Variants in CPAMD8 observed in about 807,000 individuals in gnomAD.
CPAMD8 encodes C3 and PZP like alpha-2-macroglobulin domain containing 8.
CPAMD8 carries 146 observed loss-of-function variants against 224.7 expected under a neutral mutation model. The observed-to-expected ratio is 0.65, with a 90% confidence interval of 0.57 to 0.75. The LOEUF is 0.75. Among genes scored for constraint, CPAMD8 ranks in the 30% least tolerant of loss-of-function variants. CPAMD8 has a pLI of 0.00. For missense variants in CPAMD8, 2,301 were observed against 2,537.5 expected (o/e 0.91, Z 2.00); for synonymous variants, 966 against 1,044.6 (o/e 0.92, Z 1.45).
At chr19:16,933,555 ACATACT>A (rs147908732) in intron 23 of CPAMD8, among the ~76,000 whole-genome samples, 1,595 of 152,330 alleles carry the variant, frequency 0.01, 22 homozygotes, top group African/African-American at 0.037. Context: ...AAAAAAAAAG[ACATACT>A]CATAGCAAAC....
At position 16,901,290 on chromosome 19, in the gene CPAMD8, G is replaced by T; in HGVS notation, c.4693C>A (p.His1565Asn). 1 of 1,609,520 alleles carries T rather than the reference G, an allele frequency of 6.2e-7. No individual in the cohort carries two copies. Among genetic ancestry groups the T allele is most frequent in the South Asian group, 1.1e-5 (1 of 90,574 alleles). Residue 1565 changes from histidine to asparagine, a missense_variant, in exon 36 of 42, where the codon CAT becomes AAT. By Grantham distance (68) the His-to-Asn change is moderately conservative. Around this residue, in one of 4 missense-constraint regions of CPAMD8, gnomAD observed 1,709 missense variants for 1,753.2 expected, o/e 0.97. Coordinates refer to ENST00000443236, the MANE Select transcript of CPAMD8 (RefSeq NM_015692.5). ...VMLEVCTRWL[H>N]AGSSNMAVLE... is the part of the protein sequence containing the mutation. ...ACAGCCATATTGGAAGACCCTGCAT[G>T]CAGCCACCTTCCAACAACAGGGGAG...
intron 20 of CPAMD8, 41 bp downstream of exon 20, chr19:16,951,928 C>T (rs2054308902): frequency 7.9e-7 from 1 of 1,268,690 alleles, no homozygotes. Context: ...CCCAACTCCC[C>T]ACTGAATGGA....
intron 20 of CPAMD8, among the ~76,000 whole-genome samples, chr19:16,948,219 C>T (rs1345024347): frequency 6.6e-6 from 1 of 152,180 alleles, no homozygotes; most frequent in Admixed American, 6.5e-5. Flanking sequence ...AAAGAAATGG[C>T]TGATCAAGAC....
chr19:16,984,600 A>T (rs914030764), intron 13 of CPAMD8, among the ~76,000 whole-genome samples: 1 of 152,206 alleles, frequency 6.6e-6, no homozygotes, highest in Non-Finnish European at 1.5e-5. Flanking sequence ...CAGGAAAGTG[A>T]AAAGATAACC....
intron 34 of CPAMD8, 91 bp downstream of exon 34, chr19:16,903,462 AGAACCCTC>A: frequency 6.4e-7 from 1 of 1,557,538 alleles, no homozygotes. Flanking sequence ...TGCTGAGTTC[AGAACCCTC>A]TGGGGGTCCC....
intron 23 of CPAMD8, among the ~76,000 whole-genome samples, chr19:16,936,729 T>C (rs1422963184): frequency 1.3e-5 from 2 of 152,192 alleles, no homozygotes; most frequent in African/African-American, 2.4e-5. Context: ...AATTAGATGG[T>C]TTGTTTTATT....
At chr19:16,970,116 A>G (rs1054781073) in intron 18 of CPAMD8, among the ~76,000 whole-genome samples, 2 of 144,298 alleles carry the variant, frequency 1.4e-5, no homozygotes, top group Non-Finnish European at 3.0e-5. Flanking sequence ...GCGGGCGCCT[A>G]TAGTCTCAGC....
chr19:16,946,333 G>T (rs1300691075), intron 21 of CPAMD8, among the ~76,000 whole-genome samples: 1 of 149,526 alleles, frequency 6.7e-6, no homozygotes, highest in African/African-American at 2.5e-5. Context: ...GGATTTGTTT[G>T]TATATGTATG....
At chr19:17,018,490 A>G (rs1242397836) in intron 3 of CPAMD8, among the ~76,000 whole-genome samples, 1 of 152,088 alleles carries the variant, frequency 6.6e-6, no homozygotes, top group African/African-American at 2.4e-5. Context: ...TAATTCTTCA[A>G]TTTGGCTGTT....
At chr19:16,952,757 T>C (rs2054338041) in intron 19 of CPAMD8, among the ~76,000 whole-genome samples, 1 of 152,230 alleles carries the variant, frequency 6.6e-6, no homozygotes, top group South Asian at 2.1e-4. Context: ...CCCATGTTCA[T>C]GGATCGGAAA....
rs773668571 is a variant in CPAMD8, at chr19:16,904,562, A to G, written c.4028-10T>C. 21 of 1,600,146 alleles carry G rather than the reference A, an allele frequency of 1.3e-5. 1 individual carries two copies. The East Asian group carries it at 4.0e-4, about 31-fold the overall frequency. On this transcript the variant is annotated splice_polypyrimidine_tract_variant and intron_variant, in intron 30 of 41. Coordinates refer to ENST00000443236, the MANE Select transcript of CPAMD8 (RefSeq NM_015692.5). ...CAGTGGGTGACCCCATCTGCAAGGA[A>G]AGGAGTGGTCAAGAGCTATAACCCA... is the stretch of plus-strand genomic sequence containing the variant.
chr19:16,986,277 G>C (rs1421881349), intron 13 of CPAMD8, among the ~76,000 whole-genome samples: 1 of 152,120 alleles, frequency 6.6e-6, no homozygotes, highest in Non-Finnish European at 1.5e-5. Context: ...CTGAGGTTGT[G>C]CCCGGGCCCC....
chr19:17,024,785 C>T lies in CPAMD8; in HGVS notation c.92+1766G>A, dbSNP rs574445254. Among the ~76,000 whole-genome samples the T allele has an allele frequency of 3.9e-5, 6 of 152,316 alleles. No homozygotes were observed. The South Asian group carries it at 1.2e-3, about 32-fold the overall frequency. On this transcript the variant is annotated intron_variant, in intron 1 of 41. Transcript: ENST00000443236. ...CTCATCCTGCTGGTCTCAGAAGGTC[C>T]CAGATTGGGGAAAGGGATGTCTGGG...
intron 41 of CPAMD8, chr19:16,895,794 T>C (rs1475621878): frequency 1.2e-5 from 5 of 428,214 alleles, no homozygotes; most frequent in Non-Finnish European, 2.4e-5. Context: ...GCTAACTATA[T>C]AATGCAAGCA....
intron 23 of CPAMD8, among the ~76,000 whole-genome samples, chr19:16,930,329 AC>A (rs1177875151): frequency 1.3e-5 from 2 of 152,182 alleles, no homozygotes; most frequent in African/African-American, 4.8e-5. Context: ...CCATAAAGTG[AC>A]AGGAATCACC....
intron 21 of CPAMD8, among the ~76,000 whole-genome samples, chr19:16,946,168 G>T (rs985176891): frequency 1.6e-5 from 2 of 124,776 alleles, no homozygotes; most frequent in African/African-American, 7.6e-5. Context: ...GCATGTGTGT[G>T]TGTATGATTT....
At chr19:16,953,946 T>C (rs2054379958) in intron 19 of CPAMD8, among the ~76,000 whole-genome samples, 1 of 151,904 alleles carries the variant, frequency 6.6e-6, no homozygotes, top group Admixed American at 6.6e-5. Context: ...ATGTACTTAA[T>C]TAGGATATTA....
intron 22 of CPAMD8, among the ~76,000 whole-genome samples, chr19:16,944,421 G>A (rs2054003974): frequency 6.6e-6 from 1 of 152,204 alleles, no homozygotes; most frequent in Non-Finnish European, 1.5e-5. Flanking sequence ...TCCAGGGAAG[G>A]AGACCCTCAA....
In CPAMD8 at chr19:16,903,703, G is replaced by A. The variant is rs1006115105; in HGVS notation, c.4406C>T (p.Ala1469Val). 6 of 1,613,984 alleles carry A rather than the reference G, an allele frequency of 3.7e-6. No individual in the cohort carries two copies. The highest frequency in any genetic ancestry group is 1.6e-4 in the Middle Eastern group (1 of 6,082). Residue 1469 changes from alanine to valine, a missense_variant and splice_region_variant, in exon 33 of 42, where the codon GCG becomes GTG. By Grantham distance (64) the Ala-to-Val change is moderately conservative (BLOSUM62 0). This residue lies in a region of CPAMD8 where 1,709 missense variants were observed against 1,753.2 expected (regional missense o/e 0.97). Transcript: ENST00000443236. ...AACCCTCATCCCAGGAACACGCACC[G>A]CTGCTGTCTGCAGAACCTTCTGGTT... ...RTNQKVLQTA[A>V]IPSLPTGLFV...
Sources: gnomAD v4.1 joint callset for allele counts (sites outside exome capture counted in the v4.1 genomes callset) on GRCh38, gnomAD v4.1.1 for gene constraint, gnomAD v4.1.1 regional missense constraint, MANE v1.5 for transcripts, NCBI Gene and HGNC (gene_info 2026-07-23, HGNC 2026-07-21) for gene names.